FSTL5: variants seen among roughly 807,000 people sequenced by gnomAD.
FSTL5 encodes follistatin-related protein 5.
A neutral mutation model predicts 89.1 loss-of-function variants in FSTL5; 62 were observed. The observed-to-expected ratio is 0.70, with a 90% CI of 0.57 to 0.86. The LOEUF is 0.86. Among genes scored for constraint, FSTL5 ranks in the 40% least tolerant of loss-of-function variants. The pLI, the probability that FSTL5 is intolerant of heterozygous loss-of-function variation, is 0.00. For synonymous variants in FSTL5, 383 were observed against 346.2 expected (o/e 1.11, Z -1.18); for missense variants, 1,057 against 1,001.6 (o/e 1.06, Z -0.75).
chr4:161,795,426 A>G (rs1383847250), intron 4 of FSTL5, among the ~76,000 whole-genome samples: 3 of 152,302 alleles, frequency 2.0e-5, no homozygotes, highest in Non-Finnish European at 2.9e-5. Context: ...AAGGCCCGGA[A>G]GAACCCTACT....
At chr4:161,911,717 T>G (rs1390276170) in intron 4 of FSTL5, among the ~76,000 whole-genome samples, 1 of 152,190 alleles carries the variant, frequency 6.6e-6, no homozygotes, top group Non-Finnish European at 1.5e-5. Context: ...TGTCTTAAAC[T>G]AAAACAATTA....
chr4:161,627,664 T>A (rs17343587), intron 7 of FSTL5, among the ~76,000 whole-genome samples: 1 of 151,944 alleles, frequency 6.6e-6, no homozygotes, highest in East Asian at 1.9e-4. Context: ...TAATTCACCA[T>A]ATATTTATAC....
chr4:161,581,766 A>C (rs534817174), intron 8 of FSTL5, among the ~76,000 whole-genome samples: 10 of 152,370 alleles, frequency 6.6e-5, no homozygotes, highest in Non-Finnish European at 1.5e-4. Context: ...AGTAGAAAAC[A>C]CATCCGCACA....
At chr4:162,120,832 T>C (rs1731828044) in intron 1 of FSTL5, among the ~76,000 whole-genome samples, 1 of 152,026 alleles carries the variant, frequency 6.6e-6, no homozygotes, top group African/African-American at 2.4e-5. Context: ...GTCTAAGAAA[T>C]TTTTTAACAG....
chr4:161,420,825 G>T (rs1731961578), intron 15 of FSTL5, among the ~76,000 whole-genome samples: 1 of 149,676 alleles, frequency 6.7e-6, no homozygotes, highest in African/African-American at 2.5e-5. Context: ...AAATACATGA[G>T]ATTTATTATA....
chr4:162,014,350 A>G (rs1023265186), intron 3 of FSTL5, among the ~76,000 whole-genome samples: 1 of 152,210 alleles, frequency 6.6e-6, no homozygotes, highest in Non-Finnish European at 1.5e-5. Context: ...ACATAATACT[A>G]CTGAGGTTCT....
At chr4:161,998,653 T>C (rs897098020) in intron 3 of FSTL5, among the ~76,000 whole-genome samples, 9 of 152,298 alleles carry the variant, frequency 5.9e-5, no homozygotes, top group Admixed American at 5.9e-4. Flanking sequence ...ACAATATGTA[T>C]TCAACATACA....
intron 2 of FSTL5, among the ~76,000 whole-genome samples, chr4:162,054,460 T>A (rs1372204435): frequency 6.6e-6 from 1 of 151,718 alleles, no homozygotes; most frequent in Non-Finnish European, 1.5e-5. Flanking sequence ...ATAAATAAAT[T>A]GTATAAGGAC....
chr4:161,748,195 T>C (rs1305837267), intron 6 of FSTL5, among the ~76,000 whole-genome samples: 1 of 152,170 alleles, frequency 6.6e-6, no homozygotes, highest in Non-Finnish European at 1.5e-5. Flanking sequence ...ATTAACAAAT[T>C]ATTCTGCTCC....
intron 14 of FSTL5, among the ~76,000 whole-genome samples, chr4:161,457,450 A>C (rs1733397032): frequency 6.6e-6 from 1 of 152,260 alleles, no homozygotes; most frequent in Middle Eastern, 3.4e-3. Context: ...TGGTTGAATA[A>C]TGTGTGGGAA....
At chr4:161,928,956 G>T (rs1378421640) in intron 3 of FSTL5, among the ~76,000 whole-genome samples, 1 of 151,620 alleles carries the variant, frequency 6.6e-6, no homozygotes, top group Non-Finnish European at 1.5e-5. Context: ...TAACTAAAAT[G>T]TCTTCACCAA....
intron 15 of FSTL5, among the ~76,000 whole-genome samples, chr4:161,414,090 TAA>T (rs1316149593): frequency 1.3e-5 from 2 of 152,170 alleles, no homozygotes; most frequent in Non-Finnish European, 2.9e-5. Context: ...TAAAAATAAA[TAA>T]AATGTTTAAT....
intron 6 of FSTL5, among the ~76,000 whole-genome samples, chr4:161,713,121 G>A (rs1226373357): frequency 6.6e-6 from 1 of 152,154 alleles, no homozygotes; most frequent in African/African-American, 2.4e-5. Flanking sequence ...TCCAGGTACA[G>A]GTGGTAAGTC....
At chr4:161,901,289 G>C (rs2110794114) in intron 4 of FSTL5, among the ~76,000 whole-genome samples, 1 of 152,262 alleles carries the variant, frequency 6.6e-6, no homozygotes, top group East Asian at 1.9e-4. Context: ...CCTGTGAAGA[G>C]GAGACATTTG....
chr4:161,588,607 A>G (rs952667083), intron 7 of FSTL5, among the ~76,000 whole-genome samples: 6 of 152,132 alleles, frequency 3.9e-5, no homozygotes, highest in Non-Finnish European at 8.8e-5. Context: ...TCTGGCAAAA[A>G]TTGCCAAAAT....
chr4:161,549,412 T>C (rs1163135981), intron 8 of FSTL5, among the ~76,000 whole-genome samples: 1 of 151,868 alleles, frequency 6.6e-6, no homozygotes, highest in Non-Finnish European at 1.5e-5. Flanking sequence ...ATAGGCTCTT[T>C]GAGAGAAGAG....
At chr4:161,841,024 C>T (rs1731196295) in intron 4 of FSTL5, among the ~76,000 whole-genome samples, 1 of 152,188 alleles carries the variant, frequency 6.6e-6, no homozygotes, top group Admixed American at 6.6e-5. Context: ...ACTAACATCA[C>T]ATTTTCTGTC....
At chr4:161,600,741 A>C (rs1402931531) in intron 7 of FSTL5, among the ~76,000 whole-genome samples, 1 of 152,190 alleles carries the variant, frequency 6.6e-6, no homozygotes, top group Non-Finnish European at 1.5e-5. Flanking sequence ...CGAATGGCCC[A>C]AAAAACCTAA....
intron 2 of FSTL5, among the ~76,000 whole-genome samples, chr4:162,044,046 T>G (rs150806340): frequency 6.6e-5 from 10 of 152,300 alleles, no homozygotes; most frequent in African/African-American, 2.4e-4. Flanking sequence ...CATTTTGACC[T>G]CCTTCCATGA....
Sources: gnomAD v4.1 joint callset for allele counts (sites outside exome capture counted in the v4.1 genomes callset) on GRCh38, gnomAD v4.1.1 for gene constraint, MANE v1.5 for transcripts, NCBI Gene and HGNC (gene_info 2026-07-23, HGNC 2026-07-21) for gene names.